The following BCKDHB variants were observed in gnomAD, a reference collection of about 807,000 sequenced individuals.
BCKDHB encodes the protein 2-oxoisovalerate dehydrogenase subunit beta, mitochondrial.
BCKDHB carries 41 observed loss-of-function variants against 48.5 expected under a neutral mutation model. The observed-to-expected ratio is 0.85, with a 90% confidence interval of 0.66 to 1.10. The LOEUF (loss-of-function observed/expected upper bound fraction) is 1.10. Ranked by LOEUF, BCKDHB falls within the 50% of genes least tolerant of loss-of-function variation. BCKDHB has a pLI of 0.00. For missense variants in BCKDHB, 496 were observed against 494.2 expected (o/e 1.00, Z -0.03); for synonymous variants, 201 against 174.8 (o/e 1.15, Z -1.18).
At position 80,157,288 on chromosome 6, in the gene BCKDHB, A is replaced by G. The variant is rs147715413; in HGVS notation, c.344-10390A>G. The stretch of plus-strand genomic sequence containing the variant: ...CTGTGTGTGGGTAGTTGCATATTCA[A>G]AATATTGTTATCTGGCCTGATTTTT... On this transcript the variant is annotated intron_variant, in intron 3 of 9. Coordinates refer to ENST00000320393, the MANE Select transcript of BCKDHB (RefSeq NM_183050.4). Among the ~76,000 whole-genome samples the G allele has an allele frequency of 2.1e-3, 322 of 152,134 alleles. 1 individual carries two copies. The highest frequency in any genetic ancestry group is 7.4e-3 in the African/African-American group (307 of 41,502).
chr6:80,392,539 G>C, the BCKDHB span, among the ~76,000 whole-genome samples: 1 of 151,644 alleles, frequency 6.6e-6, no homozygotes, highest in African/African-American at 2.4e-5. Context: ...TTCTGCAAGA[G>C]TTTGTATGCT....
At chr6:80,374,081 T>A in the BCKDHB span, 1 of 693,804 alleles carries the variant, frequency 1.4e-6, no homozygotes, top group Non-Finnish European at 2.7e-6. Context: ...TCTGGGCAAC[T>A]TCTTCTTCTG....
the BCKDHB span, among the ~76,000 whole-genome samples, chr6:80,423,377 C>G: frequency 6.6e-6 from 1 of 152,172 alleles, no homozygotes; most frequent in South Asian, 2.1e-4. Flanking sequence ...AATACAGGCT[C>G]TAACAAAGAT....
At chr6:80,183,685 A>G (rs1470090953) in intron 6 of BCKDHB, among the ~76,000 whole-genome samples, 1 of 152,116 alleles carries the variant, frequency 6.6e-6, no homozygotes, top group Non-Finnish European at 1.5e-5. Flanking sequence ...TGTATCTACC[A>G]CTATAATATC....
chr6:80,124,198 C>T (rs1329352048), intron 1 of BCKDHB, among the ~76,000 whole-genome samples: 4 of 152,046 alleles, frequency 2.6e-5, no homozygotes, highest in South Asian at 2.1e-4. Context: ...TGTAGTTGTG[C>T]GGTTTTGAGT....
At chr6:80,137,616 G>A (rs374725511) in intron 3 of BCKDHB, among the ~76,000 whole-genome samples, 11 of 152,150 alleles carry the variant, frequency 7.2e-5, no homozygotes, top group African/African-American at 2.7e-4. Flanking sequence ...AGAAATGGAG[G>A]GTATATCTAG....
At chr6:80,258,390 T>C (rs977051221) in intron 8 of BCKDHB, among the ~76,000 whole-genome samples, 3 of 152,212 alleles carry the variant, frequency 2.0e-5, no homozygotes, top group Non-Finnish European at 2.9e-5. Flanking sequence ...CCTTTCTGTT[T>C]AGAAGGTACC....
the BCKDHB span, among the ~76,000 whole-genome samples, chr6:80,383,953 A>G: frequency 6.6e-6 from 1 of 152,236 alleles, no homozygotes; most frequent in Non-Finnish European, 1.5e-5. Context: ...TTATCTGCCA[A>G]TACTTTTAAA....
intron 3 of BCKDHB, among the ~76,000 whole-genome samples, chr6:80,133,180 C>G (rs1185106632): frequency 6.6e-6 from 1 of 152,184 alleles, no homozygotes; most frequent in Admixed American, 6.5e-5. Context: ...GGCATTGTGC[C>G]AGCACTTGAA....
chr6:80,442,186 A>T, the BCKDHB span, among the ~76,000 whole-genome samples: 17 of 152,288 alleles, frequency 1.1e-4, no homozygotes, highest in African/African-American at 3.8e-4. Context: ...AGTGTTCGTA[A>T]TGATAATCTT....
chr6:80,203,901 A>G lies in BCKDHB; in HGVS notation c.951+689A>G, dbSNP rs181162848. Among the ~76,000 whole-genome samples, 37 of 152,224 alleles carry G rather than the reference A, an allele frequency of 2.4e-4. 1 individual carries two copies. Among genetic ancestry groups the G allele is most frequent in the African/African-American group, 8.4e-4 (35 of 41,568 alleles). ...GATAATTTAAGAAGCATCTATTTTC[A>G]TATTGATACAAAGAAGGTTAAGCAC... On this transcript the variant is annotated intron_variant, in intron 8 of 9. Transcript: ENST00000320393.
At chr6:80,376,551 A>C in the BCKDHB span, among the ~76,000 whole-genome samples, 1 of 152,142 alleles carries the variant, frequency 6.6e-6, no homozygotes, top group Non-Finnish European at 1.5e-5. Context: ...CTTTTCTGGT[A>C]TGTTCTTGTG....
At chr6:80,157,680 T>C (rs1379537851) in intron 3 of BCKDHB, among the ~76,000 whole-genome samples, 8 of 151,484 alleles carry the variant, frequency 5.3e-5, no homozygotes, top group Admixed American at 5.3e-4. Context: ...GGTTTCTCCA[T>C]GTTGGTCAGG....
the BCKDHB span, among the ~76,000 whole-genome samples, chr6:80,380,954 G>T: frequency 1.3e-5 from 2 of 151,876 alleles, no homozygotes; most frequent in African/African-American, 4.8e-5. Flanking sequence ...GATTCCTTAG[G>T]ATTCTCTATA....
At chr6:80,353,062 C>T in the BCKDHB span, among the ~76,000 whole-genome samples, 1 of 152,216 alleles carries the variant, frequency 6.6e-6, no homozygotes, top group African/African-American at 2.4e-5. Flanking sequence ...CCTTCCAACT[C>T]CCTCTCCTCT....
the BCKDHB span, among the ~76,000 whole-genome samples, chr6:80,379,999 G>T: frequency 6.6e-6 from 1 of 152,050 alleles, no homozygotes; most frequent in African/African-American, 2.4e-5. Flanking sequence ...TTATTAAAAT[G>T]GCAATATTGC....
At chr6:80,208,906 A>G (rs1039414314) in intron 8 of BCKDHB, among the ~76,000 whole-genome samples, 3 of 151,884 alleles carry the variant, frequency 2.0e-5, no homozygotes, top group Non-Finnish European at 4.4e-5. Context: ...AATTCTTTTT[A>G]TAAGGCCAGC....
the BCKDHB span, among the ~76,000 whole-genome samples, chr6:80,438,514 G>C: frequency 1.3e-5 from 2 of 152,028 alleles, no homozygotes; most frequent in African/African-American, 4.8e-5. Flanking sequence ...GTTTTCAAAA[G>C]ATACCACTAA....
intron 1 of BCKDHB, among the ~76,000 whole-genome samples, chr6:80,121,978 G>A (rs886766316): frequency 6.6e-6 from 1 of 152,086 alleles, no homozygotes; most frequent in Admixed American, 6.6e-5. Context: ...GTATGATATC[G>A]GCTGTGGGTT....
Sources: allele counts gnomAD v4.1 joint callset (sites outside exome capture counted in the v4.1 genomes callset), GRCh38; gene constraint gnomAD v4.1.1; transcripts MANE v1.5; gene names NCBI Gene and HGNC (gene_info 2026-07-23, HGNC 2026-07-21).